Variants in ZHX2 observed in about 807,000 individuals in gnomAD.
ZHX2 encodes zinc fingers and homeoboxes 2.
A neutral mutation model predicts 21.9 loss-of-function variants in ZHX2; 6 were observed. That is an observed-to-expected ratio of 0.27 (90% CI 0.15 to 0.54). The LOEUF is 0.54. Among genes scored for constraint, ZHX2 ranks in the 20% least tolerant of loss-of-function variants. The probability of loss-of-function intolerance (pLI) is 0.95; values close to 1 mark genes in which losing one functional copy is unlikely to be tolerated. For synonymous variants in ZHX2, 434 were observed against 437.1 expected (o/e 0.99, Z 0.09); for missense variants, 908 against 1,090.7 (o/e 0.83, Z 2.36).
chr8:122,911,013 TGG>T (rs1339526172), intron 2 of ZHX2, among the ~76,000 whole-genome samples: 2 of 152,138 alleles, frequency 1.3e-5, no homozygotes, highest in Non-Finnish European at 2.9e-5. Context: ...GGTTTCAAAC[TGG>T]AATAGAAAAC....
chr8:122,971,720 A>C (rs1813731047), intron 3 of ZHX2, among the ~76,000 whole-genome samples: 1 of 152,012 alleles, frequency 6.6e-6, no homozygotes, highest in Non-Finnish European at 1.5e-5. Flanking sequence ...ACAGATCTGA[A>C]AAACTTCTAG....
At chr8:122,836,995 C>A (rs1185224200) in intron 1 of ZHX2, among the ~76,000 whole-genome samples, 1 of 152,238 alleles carries the variant, frequency 6.6e-6, no homozygotes, top group East Asian at 1.9e-4. Context: ...CTGGCCCAAA[C>A]CCACGAAAAT....
intron 2 of ZHX2, among the ~76,000 whole-genome samples, chr8:122,872,164 G>A (rs1819458073): frequency 6.6e-6 from 1 of 152,194 alleles, no homozygotes; most frequent in Non-Finnish European, 1.5e-5. Flanking sequence ...GGAGGTGACA[G>A]GTGAACCTAT....
At chr8:122,907,825 A>G (rs1187577630) in intron 2 of ZHX2, among the ~76,000 whole-genome samples, 1 of 152,204 alleles carries the variant, frequency 6.6e-6, no homozygotes, top group Non-Finnish European at 1.5e-5. Context: ...AGTGGTAGTG[A>G]TATTAGTGTC....
At chr8:122,960,742 G>A (rs73335732) in intron 3 of ZHX2, among the ~76,000 whole-genome samples, 2,205 of 152,250 alleles carry the variant, frequency 0.014, 44 homozygotes, top group African/African-American at 0.049. Flanking sequence ...AAGTGCAGAG[G>A]TTAAAAGCCA....
At position 122,953,505 on chromosome 8, in the gene ZHX2, T is replaced by A; in HGVS notation, c.1995T>A (p.Thr665=). The change falls in exon 3 of 4, where the codon ACT becomes ACA. Residue 665 remains threonine, a synonymous_variant. Transcript: ENST00000314393. The surrounding 1 kb of genome is among the most constrained non-coding windows in gnomAD (Gnocchi z 4.6). ...PQEYDQLAAK[T]GLVRTEIVRW... ...AGTACGACCAGTTAGCGGCCAAGAC[T>A]GGCCTGGTCCGAACTGAGATTGTGC... The A allele has an allele frequency of 6.2e-7, 1 of 1,614,212 alleles. No homozygotes were observed. The highest frequency in any genetic ancestry group is 2.2e-5 in the East Asian group (1 of 44,868).
intron 2 of ZHX2, among the ~76,000 whole-genome samples, chr8:122,904,608 C>T (rs373604896): frequency 6.6e-6 from 1 of 152,148 alleles, no homozygotes; most frequent in Non-Finnish European, 1.5e-5. Context: ...AAGGCTCCCC[C>T]TCAAGTGTCA....
intron 1 of ZHX2, among the ~76,000 whole-genome samples, chr8:122,802,282 C>T (rs1413805616): frequency 6.6e-6 from 1 of 152,164 alleles, no homozygotes; most frequent in Non-Finnish European, 1.5e-5. Flanking sequence ...AAGCTGGTCT[C>T]GAACTCCTGG....
intron 1 of ZHX2, among the ~76,000 whole-genome samples, chr8:122,846,453 G>A (rs1343020720): frequency 6.6e-6 from 1 of 152,076 alleles, no homozygotes; most frequent in Non-Finnish European, 1.5e-5. Flanking sequence ...AGGGAACCAG[G>A]GAGCAAGTAA....
intron 2 of ZHX2, among the ~76,000 whole-genome samples, chr8:122,886,292 C>T (rs1159846087): frequency 6.6e-6 from 1 of 152,140 alleles, no homozygotes; most frequent in Non-Finnish European, 1.5e-5. Context: ...AATATGCAGA[C>T]AGTAAAAAGA....
At chr8:122,825,848 G>C (rs1211811452) in intron 1 of ZHX2, among the ~76,000 whole-genome samples, 1 of 152,064 alleles carries the variant, frequency 6.6e-6, no homozygotes, top group East Asian at 1.9e-4. Context: ...AACCCCTTTG[G>C]ACCTAAATTA....
intron 1 of ZHX2, among the ~76,000 whole-genome samples, chr8:122,830,542 C>T (rs995793072): frequency 3.3e-5 from 5 of 152,104 alleles, no homozygotes; most frequent in African/African-American, 9.7e-5. Context: ...AAAAAGAAAA[C>T]CTTAATTTTT....
At chr8:122,905,795 G>A (rs568305747) in intron 2 of ZHX2, among the ~76,000 whole-genome samples, 1 of 152,274 alleles carries the variant, frequency 6.6e-6, no homozygotes, top group South Asian at 2.1e-4. Context: ...AATTAGTATT[G>A]GGTTGGCGCA....
At chr8:122,902,871 A>C (rs1820263316) in intron 2 of ZHX2, among the ~76,000 whole-genome samples, 1 of 152,232 alleles carries the variant, frequency 6.6e-6, no homozygotes, top group Non-Finnish European at 1.5e-5. Flanking sequence ...CCATGAGCCC[A>C]AACAGTTGCA....
chr8:122,968,219 G>A (rs1391343999), intron 3 of ZHX2, among the ~76,000 whole-genome samples: 3 of 152,070 alleles, frequency 2.0e-5, no homozygotes, highest in Non-Finnish European at 4.4e-5. Flanking sequence ...GCACTGATAG[G>A]CCAGGAGCAG....
chr8:122,922,612 C>T (rs1820766903), intron 2 of ZHX2, among the ~76,000 whole-genome samples: 2 of 152,192 alleles, frequency 1.3e-5, no homozygotes, highest in Admixed American at 1.3e-4. Flanking sequence ...TTAGGACCTT[C>T]CTCCTGTTCC....
At chr8:122,824,286 G>A (rs1365699357) in intron 1 of ZHX2, among the ~76,000 whole-genome samples, 2 of 152,104 alleles carry the variant, frequency 1.3e-5, no homozygotes, top group South Asian at 2.1e-4. Flanking sequence ...TGGCTCACTC[G>A]CTGATCTCAG....
intron 3 of ZHX2, among the ~76,000 whole-genome samples, chr8:122,972,769 T>C (rs534252406): frequency 2.0e-5 from 3 of 152,200 alleles, no homozygotes; most frequent in African/African-American, 7.2e-5. Flanking sequence ...GCTAGTGTCA[T>C]CCCTGTTATA....
intron 2 of ZHX2, among the ~76,000 whole-genome samples, chr8:122,941,536 G>T (rs139367257): frequency 4.5e-4 from 69 of 152,148 alleles, no homozygotes; most frequent in African/African-American, 1.3e-3. Context: ...TTATAATTTT[G>T]TACAGTTCTT....
Sources: gnomAD v4.1 joint callset for allele counts (sites outside exome capture counted in the v4.1 genomes callset) on GRCh38, gnomAD v4.1.1 for gene constraint, Gnocchi (gnomAD v3.1) non-coding constraint, MANE v1.5 for transcripts, NCBI Gene and HGNC (gene_info 2026-07-23, HGNC 2026-07-21) for gene names.